The following ALK variants were observed in gnomAD, a reference collection of about 807,000 sequenced individuals.
The protein encoded by ALK is ALK tyrosine kinase receptor.
ALK carries 74 observed loss-of-function variants against 163.1 expected under a neutral mutation model. The observed-to-expected ratio is 0.45, with a 90% confidence interval of 0.38 to 0.55. The LOEUF (loss-of-function observed/expected upper bound fraction) is 0.55, where lower values mean the gene tolerates loss of function less well. ALK is among the 20% of genes least tolerant of loss of function. ALK has a pLI of 0.00. For missense variants in ALK, 2,063 were observed against 2,105.3 expected (o/e 0.98, Z 0.39); for synonymous variants, 960 against 843.2 (o/e 1.14, Z -2.40).
chr2:29,342,780 C>G (rs1667830717), intron 5 of ALK, among the ~76,000 whole-genome samples: 1 of 151,368 alleles, frequency 6.6e-6, no homozygotes. Flanking sequence ...CCAGTGGAAT[C>G]TACCGGTGTG....
At position 29,745,596 on chromosome 2, in the gene ALK, C is replaced by T. The variant is rs78073258; in HGVS notation, c.668-27899G>A. 1.6e-3 allele frequency among the ~76,000 whole-genome samples: 245 copies of T among 152,278 alleles called. 1 individual carries two copies. Among genetic ancestry groups the T allele is most frequent in the African/African-American group, 5.5e-3 (228 of 41,562 alleles). ...AATGAAAGGATCAGTGGTTCTTTGC[C>T]TGACACAATCTTTTTCATCCTTTGG... On this transcript the variant is annotated intron_variant, in intron 1 of 28. Coordinates refer to ENST00000389048, the MANE Select transcript of ALK (RefSeq NM_004304.5).
At chr2:29,638,254 C>A (rs577649728) in intron 3 of ALK, among the ~76,000 whole-genome samples, 1 of 152,176 alleles carries the variant, frequency 6.6e-6, no homozygotes, top group Admixed American at 6.5e-5. Flanking sequence ...TCTACCACAC[C>A]AAGTTATTGT....
At chr2:29,841,215 T>C (rs529856161) in intron 1 of ALK, among the ~76,000 whole-genome samples, 1 of 152,102 alleles carries the variant, frequency 6.6e-6, no homozygotes, top group East Asian at 1.9e-4. Context: ...AAAGACAAAA[T>C]AATGCCTAGA....
intron 1 of ALK, among the ~76,000 whole-genome samples, chr2:29,883,246 C>G (rs972968679): frequency 6.6e-6 from 1 of 152,174 alleles, no homozygotes. Flanking sequence ...AATGGTTATC[C>G]AGCAACCAAG....
intron 4 of ALK, among the ~76,000 whole-genome samples, chr2:29,413,956 T>A (rs1305366525): frequency 6.6e-6 from 1 of 152,254 alleles, no homozygotes; most frequent in Non-Finnish European, 1.5e-5. Context: ...TGAGCCATCG[T>A]GCCCAGGCCT....
rs1291623650 is a variant in ALK, at chr2:29,674,858, T to G, written c.952+19992A>C. On this transcript the variant is annotated intron_variant, in intron 3 of 28. Coordinates refer to ENST00000389048, the MANE Select transcript of ALK (RefSeq NM_004304.5). The stretch of plus-strand genomic sequence containing the variant: ...ATTATTGCCACAATTTCAGATCCTG[T>G]TATTTGTCTATTCAGGATTCAACTT... 7.6e-5 allele frequency among the ~76,000 whole-genome samples: 3 copies of G among 39,656 alleles called. No individual in the cohort carries two copies. In the East Asian group the frequency reaches 1.5e-3, roughly 20 times the overall value. The allele number at this position is 39,656 out of a possible 152,430, so 26.0% of individuals were successfully genotyped here.
chr2:29,197,796 A>G lies in ALK; in HGVS notation c.3939-120T>C, dbSNP rs562533222. ...TTTTTCCCCCATTATACCCTTTTCC[A>G]TAACATAGAACTCTTAAAATGTAGA... On this transcript the variant is annotated intron_variant, in intron 26 of 28. Transcript: ENST00000389048. 52 of 866,150 alleles carry G rather than the reference A, an allele frequency of 6.0e-5. No homozygotes were observed. In the African/African-American group the frequency reaches 8.1e-4, roughly 13 times the overall value. The allele number at this position is 866,150 out of a possible 1,614,324, so 53.7% of individuals were successfully genotyped here. A position where few individuals can be genotyped will look rare whatever the true frequency, so the allele number is the denominator to read the frequency against.
intron 4 of ALK, among the ~76,000 whole-genome samples, chr2:29,437,307 T>C (rs1023590601): frequency 1.3e-5 from 2 of 152,128 alleles, no homozygotes; most frequent in Admixed American, 6.5e-5. Context: ...CTCCAGAGAA[T>C]CTGTTGGTTT....
At chr2:29,889,739 GAGA>G (rs1667094959) in intron 1 of ALK, among the ~76,000 whole-genome samples, 1 of 108,898 alleles carries the variant, frequency 9.2e-6, no homozygotes, top group African/African-American at 3.3e-5. Context: ...GAGAGAGAGA[GAGA>G]GAGAGAGAGA....
chr2:29,768,964 G>A (rs1002869501), intron 1 of ALK, among the ~76,000 whole-genome samples: 6 of 151,934 alleles, frequency 3.9e-5, no homozygotes, highest in African/African-American at 1.5e-4. Flanking sequence ...TTCCCAAGTA[G>A]CTGTGACTAC....
At chr2:29,228,776 T>C (rs1664090319) in intron 16 of ALK, 108 bp downstream of exon 16, 2 of 778,572 alleles carry the variant, frequency 2.6e-6, no homozygotes, top group Non-Finnish European at 4.6e-6. Flanking sequence ...CACATCACAG[T>C]CCACACTTGG....
chr2:29,436,761 G>A (rs1670410571), intron 4 of ALK, among the ~76,000 whole-genome samples: 1 of 152,156 alleles, frequency 6.6e-6, no homozygotes, highest in Non-Finnish European at 1.5e-5. Context: ...TGATACCTCG[G>A]AATTCTTTAA....
chr2:29,239,886 C>T, intron 12 of ALK, 56 bp from the exon 13 acceptor site: 4 of 1,580,018 alleles, frequency 2.5e-6, no homozygotes, highest in Non-Finnish European at 3.4e-6. Flanking sequence ...TGTCCCCCTT[C>T]CTGCCAACCC....
At chr2:29,324,102 T>G (rs1430730847) in intron 6 of ALK, among the ~76,000 whole-genome samples, 3 of 152,206 alleles carry the variant, frequency 2.0e-5, no homozygotes, top group Non-Finnish European at 4.4e-5. Context: ...ACCCCCTTCT[T>G]GGGCTGTAGC....
At chr2:29,533,644 C>T (rs141626674) in intron 3 of ALK, among the ~76,000 whole-genome samples, 2 of 152,126 alleles carry the variant, frequency 1.3e-5, no homozygotes, top group African/African-American at 4.8e-5. Context: ...TTATTCGGTC[C>T]CTTCCTTACT....
chr2:29,214,151 G>A (rs2148159778), intron 23 of ALK, 70 bp from the exon 24 acceptor site: 1 of 1,325,304 alleles, frequency 7.5e-7, no homozygotes, highest in Non-Finnish European at 1.1e-6. Flanking sequence ...TGAAATGCTG[G>A]CTTCCAGTGC....
chr2:29,503,890 C>T (rs916999118), intron 4 of ALK, among the ~76,000 whole-genome samples: 2 of 151,874 alleles, frequency 1.3e-5, no homozygotes, highest in Non-Finnish European at 2.9e-5. Flanking sequence ...AAGTTCTTGC[C>T]CTCATGGAGC....
At chr2:29,378,932 C>T (rs1021202030) in intron 5 of ALK, among the ~76,000 whole-genome samples, 3 of 152,116 alleles carry the variant, frequency 2.0e-5, no homozygotes, top group African/African-American at 4.8e-5. Flanking sequence ...AGGCTGGTCT[C>T]GAACTCCTGA....
chr2:29,801,462 G>A (rs1041668463), intron 1 of ALK, among the ~76,000 whole-genome samples: 3 of 152,136 alleles, frequency 2.0e-5, no homozygotes, highest in Admixed American at 6.5e-5. Flanking sequence ...TGCTTTTAAC[G>A]ATTCTAAGTT....
Sources: gnomAD v4.1 joint callset for allele counts (sites outside exome capture counted in the v4.1 genomes callset) on GRCh38, gnomAD v4.1.1 for gene constraint, MANE v1.5 for transcripts, NCBI Gene and HGNC (gene_info 2026-07-23, HGNC 2026-07-21) for gene names.